Variants in ACP3 observed in about 807,000 individuals in gnomAD.
ACP3 encodes the protein prostatic acid phosphatase.
ACP3 carries 38 observed loss-of-function variants against 45.6 expected under a neutral mutation model. The ratio of observed to expected loss-of-function variants is 0.83; its 90% CI spans 0.64 to 1.09. The LOEUF is 1.09. Among genes scored for constraint, ACP3 ranks in the 50% least tolerant of loss-of-function variants. The probability of loss-of-function intolerance (pLI) is 0.00; values close to 1 mark genes in which losing one functional copy is unlikely to be tolerated. For synonymous variants in ACP3, 162 were observed against 164.7 expected, an observed-to-expected ratio of 0.98 and a Z score of 0.13; for missense variants, 466 against 463.2, an observed-to-expected ratio of 1.01 and a Z score of -0.05.
chr3:132,321,297 A>G lies in ACP3; in HGVS notation c.120+3721A>G, dbSNP rs147750879. Among the ~76,000 whole-genome samples the G allele has an allele frequency of 1.8e-3, 272 of 151,974 alleles. 1 individual carries two copies. The highest frequency in any genetic ancestry group is 6.0e-3 in the African/African-American group (249 of 41,454). ...TGCAAGACTCCAGGCTGGTTAACAT[A>G]GTAAGACCTCATCTCTGCAAAAAAG... On this transcript the variant is annotated intron_variant, in intron 1 of 9. Coordinates refer to ENST00000336375, the MANE Select transcript of ACP3 (RefSeq NM_001099.5).
downstream of ACP3, among the ~76,000 whole-genome samples, chr3:132,362,555 A>G (rs1214874494): frequency 3.3e-5 from 5 of 152,166 alleles, no homozygotes; most frequent in African/African-American, 1.2e-4. Context: ...GGAAATGAAT[A>G]ATTAAATCAG....
At chr3:132,338,567 T>C (rs1002241287) in intron 5 of ACP3, among the ~76,000 whole-genome samples, 4 of 152,230 alleles carry the variant, frequency 2.6e-5, no homozygotes, top group Non-Finnish European at 4.4e-5. Context: ...TGAAATATTA[T>C]TAATTTACCC....
At chr3:132,352,926 T>C in intron 9 of ACP3, 103 bp downstream of exon 9, 1 of 809,244 alleles carries the variant, frequency 1.2e-6, no homozygotes, top group East Asian at 2.6e-5. Context: ...TTGATTTGGT[T>C]TTATATTCAG....
chr3:132,321,053 T>A (rs1937198699), intron 1 of ACP3, among the ~76,000 whole-genome samples: 1 of 152,136 alleles, frequency 6.6e-6, no homozygotes, highest in Admixed American at 6.6e-5. Flanking sequence ...ACCTCCTAGC[T>A]ACTAGGGAAG....
In ACP3 at chr3:132,332,347, C is replaced by T. The variant is rs369189930; in HGVS notation, c.456+3C>T. The T allele has an allele frequency of 1.2e-6, 2 of 1,614,016 alleles. No individual in the cohort carries two copies. The highest frequency in any genetic ancestry group is 2.7e-5 in the African/African-American group (2 of 75,018). On this transcript the variant is annotated splice_donor_region_variant and intron_variant, in intron 4 of 9. Transcript: ENST00000336375. ...CAGTTCCTCTTTCTGAAGATCAGGTCAGTATACTGGGAAAACCAGGAGATT... is the reference window on the plus strand; with the variant it reads ...CAGTTCCTCTTTCTGAAGATCAGGTTAGTATACTGGGAAAACCAGGAGATT...
At chr3:132,332,804 A>G (rs953551746) in intron 4 of ACP3, among the ~76,000 whole-genome samples, 4 of 151,466 alleles carry the variant, frequency 2.6e-5, no homozygotes, top group Non-Finnish European at 5.9e-5. Flanking sequence ...GTGCATAATC[A>G]TTGCCTAACA....
chr3:132,357,084 G>A lies in ACP3; in HGVS notation c.*206G>A, dbSNP rs1242953586. 8 of 1,309,740 alleles carry A rather than the reference G, an allele frequency of 6.1e-6. No individual in the cohort carries two copies. The highest frequency in any genetic ancestry group is 7.8e-6 in the Non-Finnish European group (8 of 1,029,470). The allele number at this position is 1,309,740 out of a possible 1,614,324, so 81.1% of individuals were successfully genotyped here. On this transcript the variant is annotated 3_prime_UTR_variant, in exon 10 of 10. Transcript: ENST00000336375. Reference sequence around the variant, plus strand: ...TTGCCATAAAACTTAGCTAAGTTTTGTTTTGTTTTTCAGCGTTAATGTAAA... The same window carrying A: ...TTGCCATAAAACTTAGCTAAGTTTTATTTTGTTTTTCAGCGTTAATGTAAA...
At chr3:132,324,731 C>T (rs1937266520) in intron 1 of ACP3, among the ~76,000 whole-genome samples, 1 of 152,184 alleles carries the variant, frequency 6.6e-6, no homozygotes, top group Admixed American at 6.5e-5. Context: ...CAACCTCTGC[C>T]TCCCAGGTTC....
chr3:132,354,728 A>T (rs1937839660), intron 9 of ACP3, among the ~76,000 whole-genome samples: 1 of 152,246 alleles, frequency 6.6e-6, no homozygotes, highest in Non-Finnish European at 1.5e-5. Context: ...AAAGGTAGCT[A>T]AAAATATTCT....
chr3:132,337,479 C>T lies in ACP3; in HGVS notation c.480C>T (p.Asn160=). 1 of 1,610,732 alleles carries T rather than the reference C, an allele frequency of 6.2e-7. No homozygotes were observed. Among genetic ancestry groups the T allele is most frequent in the African/African-American group, 1.3e-5 (1 of 74,998 alleles). The change falls in exon 5 of 10, where the codon AAC becomes AAT. Residue 160 remains asparagine (N), a synonymous_variant. Coordinates refer to ENST00000336375, the MANE Select transcript of ACP3 (RefSeq NM_001099.5). ...AGTTGCTATACCTGCCTTTCAGGAA[C>T]TGCCCTCGTTTTCAAGAACTTGAGA... is the stretch of plus-strand genomic sequence containing the variant. The part of the protein sequence containing the change: ...EDQLLYLPFR[N]CPRFQELESE...
At chr3:132,336,823 T>G (rs1208161261) in intron 4 of ACP3, among the ~76,000 whole-genome samples, 1 of 152,130 alleles carries the variant, frequency 6.6e-6, no homozygotes, top group Non-Finnish European at 1.5e-5. Context: ...GGCAACAAAA[T>G]AAACTTGAGA....
chr3:132,323,054 A>T (rs960590830), intron 1 of ACP3, among the ~76,000 whole-genome samples: 1 of 152,204 alleles, frequency 6.6e-6, no homozygotes, highest in African/African-American at 2.4e-5. Context: ...CCTAACCTCT[A>T]GAATTGTGAG....
At chr3:132,352,020 T>G (rs1245742543) in intron 8 of ACP3, among the ~76,000 whole-genome samples, 1 of 152,204 alleles carries the variant, frequency 6.6e-6, no homozygotes, top group Non-Finnish European at 1.5e-5. Context: ...AAATCACAGA[T>G]GATGCTAATC....
At chr3:132,359,100 G>T (rs1325762341), downstream of ACP3, among the ~76,000 whole-genome samples, 3 of 152,144 alleles carry the variant, frequency 2.0e-5, no homozygotes, top group African/African-American at 7.2e-5. Context: ...GGAAAAACCA[G>T]GGCTATGTCT....
chr3:132,347,989 C>G (rs1446383319), intron 7 of ACP3, among the ~76,000 whole-genome samples: 4 of 152,080 alleles, frequency 2.6e-5, no homozygotes, highest in Admixed American at 2.6e-4. Context: ...CTAATCCAGC[C>G]CACTACCTGG....
At chr3:132,360,844 C>T (rs188381395), downstream of ACP3, among the ~76,000 whole-genome samples, 22 of 152,312 alleles carry the variant, frequency 1.4e-4, no homozygotes, top group Non-Finnish European at 1.6e-4. Context: ...AGGATCCATA[C>T]ATGTTTCCTC....
intron 1 of ACP3, among the ~76,000 whole-genome samples, chr3:132,325,906 G>A (rs1452496957): frequency 6.6e-6 from 1 of 152,234 alleles, no homozygotes; most frequent in Non-Finnish European, 1.5e-5. Flanking sequence ...TGGAACTGAT[G>A]AGAAGATTAC....
Position 132,328,360 on chromosome 3 carries a change from C to T in ACP3, c.214C>T (p.Gln72Ter), listed in dbSNP as rs981688826. The T allele has an allele frequency of 1.2e-6, 2 of 1,612,772 alleles. No individual in the cohort carries two copies. The highest frequency in any genetic ancestry group is 1.3e-5 in the African/African-American group (1 of 74,884). ...GCCACAAGGATTTGGCCAACTCACC[C>T]AGGTTGGTTGGACTTTTAGCTAAAG... ...SWPQGFGQLT[Q>*]LGMEQHYELG... The change falls in exon 2 of 10, where the codon CAG (glutamine) becomes TAG (stop). Residue 72 changes from glutamine (Q) to a stop codon, truncating the protein, a stop_gained and splice_region_variant. Transcript: ENST00000336375. LOFTEE classifies it high-confidence loss of function.
chr3:132,324,535 G>A (rs760407254), intron 1 of ACP3, among the ~76,000 whole-genome samples: 11 of 152,226 alleles, frequency 7.2e-5, no homozygotes, highest in Admixed American at 1.3e-4. Context: ...TGCAGCAGTA[G>A]TGCCAACCTG....
Sources: allele counts gnomAD v4.1 joint callset (sites outside exome capture counted in the v4.1 genomes callset), GRCh38; gene constraint gnomAD v4.1.1; transcripts MANE v1.5; gene names NCBI Gene and HGNC (gene_info 2026-07-23, HGNC 2026-07-21).